Variants in PALS2 observed in about 807,000 individuals in gnomAD.
PALS2 encodes the protein protein PALS2.
PALS2 carries 27 observed loss-of-function variants against 61.6 expected under a neutral mutation model. The ratio of observed to expected loss-of-function variants is 0.44; its 90% CI spans 0.32 to 0.60. PALS2 has a LOEUF of 0.60. Ranked by LOEUF, PALS2 falls within the 20% of genes least tolerant of loss-of-function variation. The probability of loss-of-function intolerance (pLI) is 0.05; values close to 1 mark genes in which losing one functional copy is unlikely to be tolerated. For synonymous variants in PALS2, 236 were observed against 218.6 expected (o/e 1.08, Z -0.70); for missense variants, 554 against 639.4 (o/e 0.87, Z 1.44).
In PALS2 at chr7:24,656,530, CTT is replaced by C. The variant is rs879365291; in HGVS notation, c.651+5826_651+5827del. On this transcript the variant is annotated intron_variant, in intron 5 of 11. Transcript: ENST00000222644. ...AATTTATTTGTGTCCATTTCTTTCT[CTT>C]TTTTTTTGAGACAGGGCCTCACTCT... Among the ~76,000 whole-genome samples, 3 of 150,876 alleles carry C rather than the reference CTT, an allele frequency of 2.0e-5. No individual in the cohort carries two copies. In the East Asian group the frequency reaches 5.8e-4, roughly 29 times the overall value.
chr7:24,680,604 A>T, intron 11 of PALS2, 84 bp downstream of exon 11: 1 of 1,448,096 alleles, frequency 6.9e-7, no homozygotes, highest in South Asian at 1.4e-5. Context: ...ATTTTTATTT[A>T]TTTATTTTTG....
chr7:24,630,719 A>G (rs976524778), intron 2 of PALS2, among the ~76,000 whole-genome samples: 5 of 152,194 alleles, frequency 3.3e-5, no homozygotes, highest in Admixed American at 6.5e-5. Context: ...GTGGAAGCCA[A>G]TGCTCATTTA....
Position 24,691,403 on chromosome 7 carries a change from G to A in PALS2, c.*3789G>A, listed in dbSNP as rs1244538719. On this transcript the variant is annotated 3_prime_UTR_variant, in exon 12 of 12. Transcript: ENST00000222644. ...ATATATTATGTATGTGTGTGTGTGT[G>A]TGTATATATATATATATATATATAT... is the stretch of plus-strand genomic sequence containing the variant. 6.5e-5 allele frequency: 7 copies of A among 108,078 alleles called. No homozygotes were observed. Among genetic ancestry groups the A allele is most frequent in the Admixed American group, 1.1e-4 (1 of 9,410 alleles). The allele number at this position is 108,078 out of a possible 1,614,324, so 6.7% of individuals were successfully genotyped here. A position where few individuals can be genotyped will look rare whatever the true frequency, so the allele number is the denominator to read the frequency against.
At chr7:24,606,114 T>C (rs777513011) in intron 1 of PALS2, among the ~76,000 whole-genome samples, 1 of 152,184 alleles carries the variant, frequency 6.6e-6, no homozygotes, top group Admixed American at 6.6e-5. Flanking sequence ...TCACATTCAA[T>C]AATATCTTTT....
chr7:24,668,061 A>G (rs893055236), intron 8 of PALS2, among the ~76,000 whole-genome samples: 1 of 152,062 alleles, frequency 6.6e-6, no homozygotes, highest in Admixed American at 6.6e-5. Flanking sequence ...GCTCATGCCT[A>G]TAATCCCAGC....
rs181038756 is a variant in PALS2 at position 24,604,255 on chromosome 7, G to A, written c.-2-19411G>A. Among the ~76,000 whole-genome samples, 595 of 147,518 alleles carry A rather than the reference G, an allele frequency of 4.0e-3. 4 individuals carry two copies. The highest frequency in any genetic ancestry group is 0.014 in the African/African-American group (551 of 40,352). ...AAAAAAAAGGAAAAAAGAAAAATATGTGAACAAGATGCTAACAGGACACAA... is the reference window on the plus strand; with the variant it reads ...AAAAAAAAGGAAAAAAGAAAAATATATGAACAAGATGCTAACAGGACACAA... On this transcript the variant is annotated intron_variant, in intron 1 of 11. Transcript: ENST00000222644.
chr7:24,652,643 C>A (rs1210997392), intron 5 of PALS2, among the ~76,000 whole-genome samples: 1 of 151,714 alleles, frequency 6.6e-6, no homozygotes, highest in Admixed American at 6.6e-5. Flanking sequence ...GAATAATAGG[C>A]ATAAACCAGG....
intron 6 of PALS2, 94 bp from the exon 7 acceptor site, chr7:24,665,494 T>G: frequency 9.2e-7 from 1 of 1,087,030 alleles, no homozygotes. Context: ...AGAGCAAATG[T>G]GACTTTTTTG....
At chr7:24,627,134 A>G (rs1784783611) in intron 2 of PALS2, among the ~76,000 whole-genome samples, 1 of 152,226 alleles carries the variant, frequency 6.6e-6, no homozygotes, top group Admixed American at 6.5e-5. Flanking sequence ...GTCCTCAGCA[A>G]ATGCAAAAGA....
chr7:24,636,370 A>G lies in PALS2; in HGVS notation c.118-5346A>G, dbSNP rs967658724. On this transcript the variant is annotated intron_variant, in intron 2 of 11. Transcript: ENST00000222644. Reference sequence around the variant, plus strand: ...GTTATCAGAATTTTTATCTCTGCCAATCTGATAAAGAGAAAAGGGATTTCA... The same window carrying G: ...GTTATCAGAATTTTTATCTCTGCCAGTCTGATAAAGAGAAAAGGGATTTCA... Among the ~76,000 whole-genome samples the G allele has an allele frequency of 2.6e-5, 4 of 152,256 alleles. 1 individual carries two copies. The highest frequency in any genetic ancestry group is 4.2e-4 in the South Asian group (2 of 4,818).
chr7:24,610,943 T>C (rs1341467507), intron 1 of PALS2, among the ~76,000 whole-genome samples: 1 of 152,154 alleles, frequency 6.6e-6, no homozygotes, highest in Non-Finnish European at 1.5e-5. Context: ...GAAGTAATTT[T>C]TAACATCTTA....
intron 1 of PALS2, among the ~76,000 whole-genome samples, chr7:24,620,913 A>G (rs1784475330): frequency 6.6e-6 from 1 of 152,118 alleles, no homozygotes. Context: ...GGTTTATTAT[A>G]TTATTCTGTT....
At chr7:24,643,491 C>G (rs1241903339) in intron 3 of PALS2, among the ~76,000 whole-genome samples, 2 of 152,062 alleles carry the variant, frequency 1.3e-5, no homozygotes, top group African/African-American at 4.8e-5. Flanking sequence ...TTTTAACTTA[C>G]TCTTTTTTTA....
chr7:24,650,734 A>G (rs762340041), intron 5 of PALS2, 22 bp downstream of exon 5: 1 of 1,415,772 alleles, frequency 7.1e-7, no homozygotes, highest in Non-Finnish European at 9.6e-7. Flanking sequence ...AATTTTTGGT[A>G]GTATTAAAAA....
At chr7:24,667,171 ATAT>A (rs1228040577) in intron 8 of PALS2, among the ~76,000 whole-genome samples, 2 of 152,166 alleles carry the variant, frequency 1.3e-5, no homozygotes, top group African/African-American at 4.8e-5. Flanking sequence ...AGGTAATATA[ATAT>A]TTCAAATCAT....
At chr7:24,657,859 A>G (rs1427875834) in intron 5 of PALS2, among the ~76,000 whole-genome samples, 1 of 152,170 alleles carries the variant, frequency 6.6e-6, no homozygotes, top group Non-Finnish European at 1.5e-5. Flanking sequence ...TGATACGTGT[A>G]CTGTATGTTA....
intron 8 of PALS2, among the ~76,000 whole-genome samples, chr7:24,666,415 C>A (rs149902585): frequency 6.6e-6 from 1 of 152,182 alleles, no homozygotes; most frequent in African/African-American, 2.4e-5. Flanking sequence ...TGTGCCATTT[C>A]TAAAGGATAG....
chr7:24,638,836 C>T (rs1322696159), intron 2 of PALS2, among the ~76,000 whole-genome samples: 2 of 152,150 alleles, frequency 1.3e-5, no homozygotes, highest in African/African-American at 4.8e-5. Flanking sequence ...TAGGTTAATA[C>T]ACATACTAAG....
intron 8 of PALS2, among the ~76,000 whole-genome samples, chr7:24,667,420 C>T (rs1444304676): frequency 6.6e-6 from 1 of 152,040 alleles, no homozygotes; most frequent in Admixed American, 6.5e-5. Flanking sequence ...ATTTGCCATA[C>T]AATATTTATT....
Sources: gnomAD v4.1 joint callset for allele counts (sites outside exome capture counted in the v4.1 genomes callset) on GRCh38, gnomAD v4.1.1 for gene constraint, MANE v1.5 for transcripts, NCBI Gene and HGNC (gene_info 2026-07-23, HGNC 2026-07-21) for gene names.